The following TMEM185A variants were observed in gnomAD, a reference collection of about 807,000 sequenced individuals.
TMEM185A encodes family with sequence similarity 11, member A.
In TMEM185A, 9 loss-of-function variants were observed where a neutral mutation model predicts 25.0. That is an observed-to-expected ratio of 0.36 (90% CI 0.22 to 0.63). The LOEUF (loss-of-function observed/expected upper bound fraction) is 0.63, where lower values mean the gene tolerates loss of function less well. Among genes scored for constraint, TMEM185A ranks in the 20% least tolerant of loss-of-function variants. The pLI is 0.68. For synonymous variants in TMEM185A, 45 were observed against 93.5 expected (o/e 0.48, Z 2.99); for missense variants, 103 against 237.4 (o/e 0.43, Z 3.72).
chrX:149,611,188 G>A, intron 2 of TMEM185A, 99 bp downstream of exon 2: 1 of 810,157 alleles, frequency 1.2e-6, no homozygotes, highest in Non-Finnish European at 1.8e-6. Flanking sequence ...ACCCCAGATA[G>A]GTAGAAAATA....
At chrX:149,623,426 G>A (rs370311095) in intron 1 of TMEM185A, among the ~76,000 whole-genome samples, 1 of 111,754 alleles carries the variant, frequency 8.9e-6, no homozygotes, top group African/African-American at 3.3e-5. Context: ...AATCAGTAGA[G>A]ACCAGAGGTA....
chrX:149,622,917 C>T (rs782268767), intron 1 of TMEM185A, among the ~76,000 whole-genome samples: 4 of 111,623 alleles, frequency 3.6e-5, no homozygotes, highest in Admixed American at 9.5e-5. Context: ...ACAGTTGTGC[C>T]TATTTATGGG....
intron 1 of TMEM185A, among the ~76,000 whole-genome samples, chrX:149,630,751 A>G (rs184054980): frequency 9.0e-6 from 1 of 111,384 alleles, no homozygotes; most frequent in Non-Finnish European, 1.9e-5. Flanking sequence ...GATGAGCAGG[A>G]GATGGTCTCA....
intron 2 of TMEM185A, among the ~76,000 whole-genome samples, chrX:149,609,509 A>G (rs2090070558): frequency 8.9e-6 from 1 of 112,923 alleles, no homozygotes; most frequent in African/African-American, 3.2e-5. Context: ...TTAGCTAAGT[A>G]TCATGCACAA....
chrX:149,604,557 C>A (rs1329816237), intron 3 of TMEM185A, among the ~76,000 whole-genome samples: 1 of 111,308 alleles, frequency 9.0e-6, no homozygotes, highest in African/African-American at 3.3e-5. Context: ...CCCACCTATT[C>A]CATTGATCCC....
intron 6 of TMEM185A, 68 bp downstream of exon 6, chrX:149,599,486 C>T (rs2090008683): frequency 3.1e-6 from 3 of 955,577 alleles, no homozygotes; most frequent in Non-Finnish European, 4.3e-6. Context: ...GACTTCTATC[C>T]GCCACCCCCC....
At chrX:149,612,217 T>C (rs934377129) in intron 1 of TMEM185A, among the ~76,000 whole-genome samples, 2 of 112,044 alleles carry the variant, frequency 1.8e-5, no homozygotes, top group Non-Finnish European at 3.8e-5. Flanking sequence ...AAGAACAGTT[T>C]TCAGACATTG....
intron 1 of TMEM185A, 60 bp from the exon 2 acceptor site, chrX:149,611,523 T>C: frequency 2.0e-5 from 21 of 1,058,223 alleles, no homozygotes; most frequent in Non-Finnish European, 2.7e-5. Context: ...GATACTGAAA[T>C]GGGGAGTAAT....
rs2090195807 is a variant in TMEM185A, at chrX:149,631,723, T to TCGCCGTCGCCGCCGCCGCCGCCGCCGC, written c.-144_-143insGCGGCGGCGGCGGCGGCGGCGACGGCG. The TCGCCGTCGCCGCCGCCGCCGCCGCCGC allele has an allele frequency of 2.2e-6, 1 of 450,489 alleles. No individual in the cohort carries two copies. The highest frequency in any genetic ancestry group is 3.1e-6 in the Non-Finnish European group (1 of 319,851). The allele number at this position is 450,489 out of a possible 1,213,427, so 37.1% of individuals were successfully genotyped here. A position where few individuals can be genotyped will look rare whatever the true frequency, so the allele number is the denominator to read the frequency against. Reference sequence around the variant, plus strand: ...GCTACTGCTGCCGTCCCCGCTGCCGTCGCCGTCGCCGTCGCCGCCGCCGCC... The same window carrying TCGCCGTCGCCGCCGCCGCCGCCGCCGC: ...GCTACTGCTGCCGTCCCCGCTGCCGTCGCCGTCGCCGCCGCCGCCGCCGCCGCCGCCGTCGCCGTCGCCGCCGCCGCC... On this transcript the variant is annotated 5_prime_UTR_variant, in exon 1 of 7. Transcript: ENST00000600449.
At chrX:149,631,458 C>A (rs934512179) in intron 1 of TMEM185A, 85 bp downstream of exon 1, 42 of 1,056,954 alleles carry the variant, frequency 4.0e-5, no homozygotes, top group Middle Eastern at 3.1e-4. Context: ...AGCATCTCGC[C>A]CGCCGTGCCT....
chrX:149,603,114 T>C (rs973704333), intron 4 of TMEM185A, among the ~76,000 whole-genome samples: 8 of 111,812 alleles, frequency 7.2e-5, no homozygotes, highest in Admixed American at 1.9e-4. Flanking sequence ...TTTCCATGCA[T>C]TTAATAGTGG....
At chrX:149,607,910 C>G (rs1359694965) in intron 3 of TMEM185A, among the ~76,000 whole-genome samples, 1 of 111,640 alleles carries the variant, frequency 9.0e-6, no homozygotes, top group Non-Finnish European at 1.9e-5. Context: ...GGGCCTCATG[C>G]AATCAGGTGA....
intron 1 of TMEM185A, 149 bp downstream of exon 1, chrX:149,631,394 G>A (rs978655454): frequency 1.7e-4 from 104 of 615,221 alleles, no homozygotes; most frequent in Non-Finnish European, 2.2e-4. Flanking sequence ...TTTTGCCTGG[G>A]GACCGCTTGC....
chrX:149,615,319 G>C, intron 1 of TMEM185A, among the ~76,000 whole-genome samples: 1 of 111,920 alleles, frequency 8.9e-6, no homozygotes, highest in East Asian at 2.8e-4. Context: ...AGGAAAAGAA[G>C]AGCATCTATG....
At chrX:149,608,865 T>C (rs1557354051) in intron 2 of TMEM185A, 31 bp from the exon 3 acceptor site, 1 of 1,163,056 alleles carries the variant, frequency 8.6e-7, no homozygotes, top group Admixed American at 2.2e-5. Context: ...GAAAACACCC[T>C]CAGTTCAGAA....
Position 149,611,481 on chromosome X carries a change from C to T in TMEM185A, c.39-18G>A, listed in dbSNP as rs9887071. ...GGAATTTACTAGGAGAAAAGTAAAA[C>T]GATTAAGAAGGATTCACTTTTACAA... is the stretch of plus-strand genomic sequence containing the variant. On this transcript the variant is annotated intron_variant, in intron 1 of 6. Transcript: ENST00000600449. 87,038 of 1,170,883 alleles carry T rather than the reference C, an allele frequency of 0.074. 2,276 individuals carry two copies. Among genetic ancestry groups the T allele is most frequent in the Middle Eastern group, 0.085 (354 of 4,152 alleles).
chrX:149,628,268 T>C (rs2090173929), intron 1 of TMEM185A, among the ~76,000 whole-genome samples: 1 of 111,402 alleles, frequency 9.0e-6, no homozygotes, highest in Non-Finnish European at 1.9e-5. Flanking sequence ...CAAGGCTCCA[T>C]GGTGAGTGCC....
intron 1 of TMEM185A, among the ~76,000 whole-genome samples, chrX:149,625,348 T>C (rs1557355924): frequency 1.8e-5 from 2 of 112,452 alleles, no homozygotes; most frequent in Non-Finnish European, 3.8e-5. Flanking sequence ...CTCCAAATCC[T>C]GGCCCTCAAA....
At position 149,631,583 on chromosome X, in the gene TMEM185A, C is replaced by A. The variant is rs1557356663; in HGVS notation, c.-3G>T. On this transcript the variant is annotated 5_prime_UTR_variant, in exon 1 of 7. Transcript: ENST00000600449. The stretch of plus-strand genomic sequence containing the variant: ...TGGAAGAGGCCCCTCAGGTTCATGG[C>A]GGAGAACTTCACCGCGGCGTCCTCC... 2.6e-6 allele frequency: 3 copies of A among 1,166,312 alleles called. No individual in the cohort carries two copies. Among genetic ancestry groups the A allele is most frequent in the South Asian group, 1.9e-5 (1 of 51,657 alleles).
Sources: allele counts gnomAD v4.1 joint callset (sites outside exome capture counted in the v4.1 genomes callset), GRCh38; gene constraint gnomAD v4.1.1; transcripts MANE v1.5; gene names NCBI Gene and HGNC (gene_info 2026-07-23, HGNC 2026-07-21).